KANK1: variants seen among roughly 807,000 people sequenced by gnomAD.
The protein encoded by KANK1 is KN motif and ankyrin repeat domain-containing protein 1.
Under a neutral mutation model 106.2 loss-of-function variants are expected in KANK1, and 109 were observed. The ratio of observed to expected loss-of-function variants is 1.03; its 90% confidence interval spans 0.88 to 1.20. KANK1 has a LOEUF of 1.20. Ranked by LOEUF, KANK1 falls within the 50% of genes most tolerant of loss-of-function variation. The pLI, the probability that KANK1 is intolerant of heterozygous loss-of-function variation, is 0.00. For synonymous variants in KANK1, 873 were observed against 652.2 expected (o/e 1.34, Z -5.16); for missense variants, 2,399 against 1,710.7 (o/e 1.40, Z -7.10).
chr9:572,225 A>G (rs796493369), intron 1 of KANK1, among the ~76,000 whole-genome samples: 5 of 139,604 alleles, frequency 3.6e-5, no homozygotes, highest in African/African-American at 1.4e-4. Context: ...GAGAAATTGT[A>G]GTTCACTACA....
At chr9:500,575 CTTTG>C (rs1048573269), upstream of KANK1, among the ~76,000 whole-genome samples, 40 of 152,286 alleles carry the variant, frequency 2.6e-4, no homozygotes, top group African/African-American at 9.1e-4. Flanking sequence ...ACAAGTGAAA[CTTTG>C]TTTGCTCCAA....
At chr9:726,045 A>G (rs897458130) in intron 3 of KANK1, among the ~76,000 whole-genome samples, 60 of 152,350 alleles carry the variant, frequency 3.9e-4, no homozygotes, top group African/African-American at 1.3e-3. Context: ...GGTTTCCTGT[A>G]TATCCTTCCA....
intron 2 of KANK1, among the ~76,000 whole-genome samples, chr9:703,816 A>T (rs943820519): frequency 3.3e-5 from 5 of 151,894 alleles, no homozygotes; most frequent in African/African-American, 9.7e-5. Flanking sequence ...GGTTCAAGCA[A>T]TTCCCCTGCC....
At chr9:517,618 A>C (rs1322933818) in intron 1 of KANK1, among the ~76,000 whole-genome samples, 1 of 151,598 alleles carries the variant, frequency 6.6e-6, no homozygotes, top group Non-Finnish European at 1.5e-5. Context: ...GAAGGTAAGC[A>C]TCTCTTCCTG....
chr9:476,258 C>A (rs539717789), intron 3 of KANK1, among the ~76,000 whole-genome samples: 3 of 152,176 alleles, frequency 2.0e-5, no homozygotes, highest in East Asian at 3.9e-4. Flanking sequence ...TGGTGGCTCA[C>A]GCCTGTAATC....
At chr9:608,028 A>AT (rs1326986665) in intron 1 of KANK1, among the ~76,000 whole-genome samples, 1,297 of 84,306 alleles carry the variant, frequency 0.015, 27 homozygotes, top group Admixed American at 0.046. Context: ...TATTATTATT[A>AT]TTATTATTTT....
At chr9:584,552 G>A (rs920462828) in intron 1 of KANK1, among the ~76,000 whole-genome samples, 1 of 152,134 alleles carries the variant, frequency 6.6e-6, no homozygotes, top group Non-Finnish European at 1.5e-5. Flanking sequence ...ACACATTTTG[G>A]TGTCTTTCCT....
At chr9:620,375 T>G (rs1832859793) in intron 1 of KANK1, among the ~76,000 whole-genome samples, 2 of 152,234 alleles carry the variant, frequency 1.3e-5, no homozygotes, top group South Asian at 4.1e-4. Context: ...CGTAATTCTT[T>G]GCGAGAAAAG....
chr9:640,466 C>T (rs549418898), intron 1 of KANK1, among the ~76,000 whole-genome samples: 4 of 151,446 alleles, frequency 2.6e-5, no homozygotes, highest in East Asian at 2.0e-4. Context: ...GGTGTAATCT[C>T]GGATTACTGC....
Position 712,037 on chromosome 9 carries a change from A to T in KANK1, c.1271A>T (p.Asp424Val), listed in dbSNP as rs1826264571. Reference protein sequence around the residue: ...VYHRGSRSCKDAAVGTLVEMR... With the variant: ...VYHRGSRSCKVAAVGTLVEMR... Reference sequence around the variant, plus strand: ...CACAGAGGCTCCAGGTCCTGTAAGGATGCAGCTGTAGGGACACTTGTTGAG... The same window carrying T: ...CACAGAGGCTCCAGGTCCTGTAAGGTTGCAGCTGTAGGGACACTTGTTGAG... The change falls in exon 3 of 12, where the codon GAT becomes GTT. Residue 424 changes from aspartate to valine, a missense_variant. Coordinates refer to ENST00000382297, the MANE Select transcript of KANK1 (RefSeq NM_015158.5). 1 of 1,614,140 alleles carries T rather than the reference A, an allele frequency of 6.2e-7. No homozygotes were observed. The highest frequency in any genetic ancestry group is 8.5e-7 in the Non-Finnish European group (1 of 1,180,020).
chr9:600,748 T>G (rs920173020), intron 1 of KANK1, among the ~76,000 whole-genome samples: 3 of 151,868 alleles, frequency 2.0e-5, no homozygotes, highest in African/African-American at 7.3e-5. Context: ...GCTTTGGATT[T>G]TATGCCAAAA....
At chr9:577,447 T>G (rs997307577) in intron 1 of KANK1, among the ~76,000 whole-genome samples, 1 of 152,154 alleles carries the variant, frequency 6.6e-6, no homozygotes, top group African/African-American at 2.4e-5. Context: ...GAGTGCTGAT[T>G]GGCGCGCTTA....
At chr9:688,718 C>T (rs181558298) in intron 2 of KANK1, among the ~76,000 whole-genome samples, 90 of 152,258 alleles carry the variant, frequency 5.9e-4, no homozygotes, top group African/African-American at 2.1e-3. Flanking sequence ...TGTCAGGGGC[C>T]ATTTGGAAAG....
At chr9:735,949 T>C (rs1833684319) in intron 7 of KANK1, among the ~76,000 whole-genome samples, 1 of 152,080 alleles carries the variant, frequency 6.6e-6, no homozygotes, top group Admixed American at 6.5e-5. Flanking sequence ...GAGCCAAGAT[T>C]GCACCTCTGC....
intron 1 of KANK1, among the ~76,000 whole-genome samples, chr9:551,901 C>G (rs986317989): frequency 2.0e-4 from 30 of 149,612 alleles, no homozygotes; most frequent in Admixed American, 4.7e-4. Context: ...AAAAAAAAAT[C>G]AAAAATTAGC....
intron 3 of KANK1, among the ~76,000 whole-genome samples, chr9:497,913 G>A (rs2058483648): frequency 6.6e-6 from 1 of 152,010 alleles, no homozygotes; most frequent in Non-Finnish European, 1.5e-5. Context: ...TACTTCTAGG[G>A]ACCACCCCAG....
intron 8 of KANK1, 23 bp from the exon 9 acceptor site, chr9:740,767 GAC>G: frequency 1.3e-6 from 2 of 1,522,014 alleles, no homozygotes; most frequent in East Asian, 2.3e-5. Flanking sequence ...CTTCCTAAGA[GAC>G]TTTTTTTTTT....
At chr9:586,840 C>T (rs1483239693) in intron 1 of KANK1, among the ~76,000 whole-genome samples, 1 of 152,098 alleles carries the variant, frequency 6.6e-6, no homozygotes, top group Non-Finnish European at 1.5e-5. Flanking sequence ...ATCTTAGGCT[C>T]CCTTTTATTC....
intron 2 of KANK1, chr9:693,700 T>G: frequency 2.0e-6 from 2 of 985,372 alleles, no homozygotes; most frequent in Non-Finnish European, 2.4e-6. Context: ...CCTGCTAATG[T>G]GTGGAGTCCC....
Sources: allele counts gnomAD v4.1 joint callset (sites outside exome capture counted in the v4.1 genomes callset), GRCh38; gene constraint gnomAD v4.1.1; transcripts MANE v1.5; gene names NCBI Gene and HGNC (gene_info 2026-07-23, HGNC 2026-07-21).